The following MACROD2 variants were observed in gnomAD, a reference collection of about 807,000 sequenced individuals.
MACROD2 encodes the protein ADP-ribose glycohydrolase MACROD2.
Under a neutral mutation model 70.4 loss-of-function variants are expected in MACROD2, and 36 were observed. The observed-to-expected ratio is 0.51, with a 90% CI of 0.39 to 0.68. The LOEUF (loss-of-function observed/expected upper bound fraction) is 0.68, where lower values mean the gene tolerates loss of function less well. MACROD2 is among the 30% of genes least tolerant of loss of function. The pLI, the probability that MACROD2 is intolerant of heterozygous loss-of-function variation, is 0.00. For synonymous variants in MACROD2, 172 were observed against 178.8 expected (o/e 0.96, Z 0.30); for missense variants, 496 against 538.4 (o/e 0.92, Z 0.78).
chr20:14,113,209 T>C (rs953935978), intron 3 of MACROD2, among the ~76,000 whole-genome samples: 4 of 152,096 alleles, frequency 2.6e-5, no homozygotes, highest in Non-Finnish European at 4.4e-5. Flanking sequence ...TTTTACATAC[T>C]GTTAGTACAA....
intron 3 of MACROD2, among the ~76,000 whole-genome samples, chr20:14,410,571 TG>T (rs1334133830): frequency 6.6e-6 from 1 of 152,130 alleles, no homozygotes; most frequent in Non-Finnish European, 1.5e-5. Flanking sequence ...ATGATTTCAT[TG>T]TTTTTTTGTG....
At chr20:15,739,642 A>G (rs6110768) in intron 8 of MACROD2, among the ~76,000 whole-genome samples, 16 of 152,240 alleles carry the variant, frequency 1.1e-4, no homozygotes, top group African/African-American at 3.6e-4. Flanking sequence ...TAGGCTACAA[A>G]GAGATGAAGA....
chr20:15,095,875 G>C (rs1055889209), intron 5 of MACROD2, among the ~76,000 whole-genome samples: 38 of 152,052 alleles, frequency 2.5e-4, no homozygotes, highest in African/African-American at 8.4e-4. Flanking sequence ...GTGTGTGTGT[G>C]TGTGTGTGTG....
At chr20:15,133,397 T>C (rs1241413244) in intron 5 of MACROD2, among the ~76,000 whole-genome samples, 1 of 152,092 alleles carries the variant, frequency 6.6e-6, no homozygotes, top group Non-Finnish European at 1.5e-5. Flanking sequence ...GAAAAATCAC[T>C]GGGTATTTAA....
intron 5 of MACROD2, among the ~76,000 whole-genome samples, chr20:15,137,957 T>C (rs1259023076): frequency 6.6e-6 from 1 of 152,130 alleles, no homozygotes; most frequent in Non-Finnish European, 1.5e-5. Context: ...CTTCCACATA[T>C]CAGCTGAAGT....
intron 8 of MACROD2, among the ~76,000 whole-genome samples, chr20:15,782,359 C>A (rs1236497172): frequency 6.6e-6 from 1 of 152,026 alleles, no homozygotes; most frequent in Non-Finnish European, 1.5e-5. Context: ...TGAGTGGGCT[C>A]TTCTGGGTGG....
chr20:15,177,936 G>T (rs936185288), intron 5 of MACROD2, among the ~76,000 whole-genome samples: 1 of 151,472 alleles, frequency 6.6e-6, no homozygotes, highest in Admixed American at 6.6e-5. Context: ...AATGAAAAAT[G>T]GCATGCTTTT....
chr20:14,699,955 GTTTAAACTT>G (rs1351067530), intron 5 of MACROD2, among the ~76,000 whole-genome samples: 15 of 147,452 alleles, frequency 1.0e-4, no homozygotes, highest in South Asian at 2.1e-4. Context: ...GAAGTTTAAA[GTTTAAACTT>G]TTTAAATCTA....
chr20:15,967,685 A>G, intron 13 of MACROD2, 55 bp downstream of exon 13: 7 of 1,203,688 alleles, frequency 5.8e-6, no homozygotes, highest in South Asian at 1.6e-5. Context: ...GAAACAGAAA[A>G]AAAAAAAAAA....
chr20:14,838,020 A>G (rs1165320139), intron 5 of MACROD2, among the ~76,000 whole-genome samples: 1 of 152,086 alleles, frequency 6.6e-6, no homozygotes, highest in Non-Finnish European at 1.5e-5. Context: ...TGTTAAGTCC[A>G]TACTATTGGG....
chr20:14,827,306 G>A (rs1213410112), intron 5 of MACROD2, among the ~76,000 whole-genome samples: 1 of 152,080 alleles, frequency 6.6e-6, no homozygotes, highest in Non-Finnish European at 1.5e-5. Context: ...CACAGCGACC[G>A]CATTAAGTAG....
intron 5 of MACROD2, among the ~76,000 whole-genome samples, chr20:15,007,996 G>C (rs1218938436): frequency 1.3e-5 from 2 of 152,220 alleles, no homozygotes; most frequent in African/African-American, 4.8e-5. Context: ...GTACAGGAAA[G>C]CACAGTAGAA....
At chr20:15,605,853 T>C (rs1360238465) in intron 8 of MACROD2, among the ~76,000 whole-genome samples, 1 of 152,180 alleles carries the variant, frequency 6.6e-6, no homozygotes, top group Non-Finnish European at 1.5e-5. Context: ...ATGTCAGACC[T>C]TCCTTGTGTT....
intron 2 of MACROD2, among the ~76,000 whole-genome samples, chr20:14,038,268 T>C (rs2053344844): frequency 6.7e-6 from 1 of 150,048 alleles, no homozygotes; most frequent in East Asian, 2.0e-4. Context: ...CACTCCAGCC[T>C]GGGCCACAGA....
In MACROD2 at chr20:14,325,409, C is replaced by A. The variant is rs2082717231; in HGVS notation, c.272-168070C>A. On this transcript the variant is annotated intron_variant, in intron 3 of 17. Coordinates refer to ENST00000684519, the MANE Select transcript of MACROD2 (RefSeq NM_001351661.2). ...AATTTGAAACTTTTAATAAAAAGTTCTTAAATATAAATTATATGGCAAATG... is the reference window on the plus strand; with the variant it reads ...AATTTGAAACTTTTAATAAAAAGTTATTAAATATAAATTATATGGCAAATG... The A allele has an allele frequency of 3.9e-6, 3 of 762,976 alleles. No individual in the cohort carries two copies. The African/African-American group carries it at 5.4e-5, about 14-fold the overall frequency. The allele number at this position is 762,976 out of a possible 1,614,324, so 47.3% of individuals were successfully genotyped here.
intron 4 of MACROD2, among the ~76,000 whole-genome samples, chr20:14,592,659 G>T (rs1426651909): frequency 6.6e-6 from 1 of 152,116 alleles, no homozygotes; most frequent in Non-Finnish European, 1.5e-5. Context: ...GGTATTGTAA[G>T]TTCTCACTTT....
intron 5 of MACROD2, among the ~76,000 whole-genome samples, chr20:15,136,098 G>T (rs1156594118): frequency 6.9e-6 from 1 of 145,634 alleles, no homozygotes; most frequent in African/African-American, 2.6e-5. Context: ...CATGCTCATG[G>T]ATAGGAAGAA....
intron 8 of MACROD2, among the ~76,000 whole-genome samples, chr20:15,779,006 G>A (rs531509501): frequency 7.9e-5 from 12 of 152,058 alleles, no homozygotes; most frequent in African/African-American, 2.9e-4. Context: ...CAACAGAGAG[G>A]GATTGGAGAG....
intron 8 of MACROD2, among the ~76,000 whole-genome samples, chr20:15,722,274 G>T (rs759678896): frequency 1.3e-5 from 2 of 152,102 alleles, no homozygotes; most frequent in Non-Finnish European, 2.9e-5. Flanking sequence ...AATTCCCAGG[G>T]CATAGACATC....
Sources: gnomAD v4.1 joint callset for allele counts (sites outside exome capture counted in the v4.1 genomes callset) on GRCh38, gnomAD v4.1.1 for gene constraint, MANE v1.5 for transcripts, NCBI Gene and HGNC (gene_info 2026-07-23, HGNC 2026-07-21) for gene names.